The following NRDC variants were observed in gnomAD, a reference collection of about 807,000 sequenced individuals.
NRDC encodes nardilysin convertase.
In NRDC, 54 loss-of-function variants were observed where a neutral mutation model predicts 147.1. That is an observed-to-expected ratio of 0.37 (90% confidence interval 0.29 to 0.46). The LOEUF is 0.46. Ranked by LOEUF, NRDC falls within the 20% of genes least tolerant of loss-of-function variation. The probability of loss-of-function intolerance (pLI) is 1.00; values close to 1 mark genes in which losing one functional copy is unlikely to be tolerated. For missense variants in NRDC, 1,082 were observed against 1,370.6 expected, an observed-to-expected ratio of 0.79 and a Z score of 3.33; for synonymous variants, 440 against 482.1, an observed-to-expected ratio of 0.91 and a Z score of 1.14.
At chr1:51,877,846 C>CT (rs1211423586) in intron 1 of NRDC, 4 of 208,852 alleles carry the variant, frequency 1.9e-5, no homozygotes, top group African/African-American at 9.4e-5. Context: ...CTTTCGTCCA[C>CT]TAGTTTCACC....
intron 1 of NRDC, among the ~76,000 whole-genome samples, chr1:51,857,265 T>C (rs1682299677): frequency 6.6e-6 from 1 of 152,206 alleles, no homozygotes; most frequent in African/African-American, 2.4e-5. Flanking sequence ...GTTCAAACTA[T>C]GTTCAAATAC....
chr1:51,821,580 G>A, intron 7 of NRDC, 25 bp from the exon 8 acceptor site: 1 of 1,523,214 alleles, frequency 6.6e-7, no homozygotes, highest in Non-Finnish European at 9.1e-7. Context: ...GCAGGGAAGA[G>A]ACAGGAAAAT....
At chr1:51,869,481 G>A (rs1435045740) in intron 1 of NRDC, among the ~76,000 whole-genome samples, 1 of 152,094 alleles carries the variant, frequency 6.6e-6, no homozygotes, top group Admixed American at 6.5e-5. Context: ...ACATATAACA[G>A]TAATGTTTTT....
chr1:51,812,428 T>C (rs1226817215), intron 14 of NRDC, among the ~76,000 whole-genome samples: 1 of 151,932 alleles, frequency 6.6e-6, no homozygotes, highest in Admixed American at 6.6e-5. Context: ...CTTGGGGAGC[T>C]GAGGTGGGAG....
intron 2 of NRDC, among the ~76,000 whole-genome samples, chr1:51,838,877 T>C (rs1681116473): frequency 6.6e-6 from 1 of 152,094 alleles, no homozygotes; most frequent in South Asian, 2.1e-4. Context: ...TATATACCTT[T>C]TTTTCCCCCA....
At chr1:51,807,785 GATAATTA>G (rs1190299943) in intron 17 of NRDC, among the ~76,000 whole-genome samples, 1 of 148,804 alleles carries the variant, frequency 6.7e-6, no homozygotes, top group Non-Finnish European at 1.5e-5. Flanking sequence ...GTCTAATATA[GATAATTA>G]ATACTTTTTT....
chr1:51,823,570 GTAAT>G, intron 7 of NRDC, 90 bp downstream of exon 7: 1 of 871,668 alleles, frequency 1.1e-6, no homozygotes, highest in Non-Finnish European at 1.7e-6. Context: ...AAGCACTAAA[GTAAT>G]TAATAGTACA....
At chr1:51,838,529 T>C (rs1026350745) in intron 2 of NRDC, among the ~76,000 whole-genome samples, 1 of 152,040 alleles carries the variant, frequency 6.6e-6, no homozygotes, top group Non-Finnish European at 1.5e-5. Flanking sequence ...TGGAAAGATA[T>C]AGAAAAAAAG....
chr1:51,862,680 G>C (rs191606316), intron 1 of NRDC, among the ~76,000 whole-genome samples: 4 of 151,798 alleles, frequency 2.6e-5, no homozygotes, highest in Admixed American at 2.6e-4. Context: ...CCATGATCAT[G>C]ACACTGCACT....
chr1:51,792,976 T>TA (rs1408484999), intron 24 of NRDC, among the ~76,000 whole-genome samples: 17 of 152,196 alleles, frequency 1.1e-4, no homozygotes, highest in Non-Finnish European at 2.4e-4. Context: ...AGGAGGCCAA[T>TA]AAACAAGGAT....
At chr1:51,860,430 A>G (rs1682472598) in intron 1 of NRDC, among the ~76,000 whole-genome samples, 1 of 152,216 alleles carries the variant, frequency 6.6e-6, no homozygotes. Flanking sequence ...ATTCACACTC[A>G]TAGCTGCCTC....
chr1:51,836,246 T>C (rs1473817353), intron 2 of NRDC, 34 bp from the exon 3 acceptor site: 2 of 1,604,666 alleles, frequency 1.2e-6, no homozygotes, highest in East Asian at 4.5e-5. Context: ...AATAGTTGAG[T>C]CAACCCTAAA....
At chr1:51,876,208 G>A (rs961458816) in intron 1 of NRDC, among the ~76,000 whole-genome samples, 1 of 152,066 alleles carries the variant, frequency 6.6e-6, no homozygotes, top group Non-Finnish European at 1.5e-5. Flanking sequence ...TGATCTGGAA[G>A]GCAAAAACTA....
chr1:51,805,998 T>A (rs1679443309), intron 18 of NRDC, among the ~76,000 whole-genome samples: 1 of 152,114 alleles, frequency 6.6e-6, no homozygotes, highest in Admixed American at 6.5e-5. Flanking sequence ...CCCAATAAAC[T>A]CAATAATCCC....
intron 2 of NRDC, chr1:51,837,669 C>A (rs1681056273): frequency 1.4e-6 from 2 of 1,420,870 alleles, no homozygotes; most frequent in Non-Finnish European, 9.4e-7. Flanking sequence ...AAAATTCAGA[C>A]CTGAGAAATT....
chr1:51,834,433 A>G (rs1322552435), intron 3 of NRDC, among the ~76,000 whole-genome samples: 1 of 151,328 alleles, frequency 6.6e-6, no homozygotes, highest in African/African-American at 2.4e-5. Context: ...CAAGTGTCTC[A>G]GCCTCCCAAG....
chr1:51,845,766 A>C (rs954501971), intron 1 of NRDC, among the ~76,000 whole-genome samples: 3 of 152,218 alleles, frequency 2.0e-5, no homozygotes, highest in Admixed American at 6.5e-5. Context: ...TTAGAATGTT[A>C]TCTCTGAGGA....
intron 26 of NRDC, 55 bp downstream of exon 26, chr1:51,791,991 G>A (rs1678679106): frequency 1.3e-6 from 2 of 1,575,568 alleles, no homozygotes; most frequent in Non-Finnish European, 1.7e-6. Flanking sequence ...TGAACAGCCT[G>A]CAAAGTAAGC....
chr1:51,858,125 G>C (rs1310640827), intron 1 of NRDC, among the ~76,000 whole-genome samples: 4 of 152,174 alleles, frequency 2.6e-5, no homozygotes, highest in Non-Finnish European at 5.9e-5. Flanking sequence ...GATGCCTATT[G>C]ATGTGCAGAA....
Sources: gnomAD v4.1 joint callset for allele counts (sites outside exome capture counted in the v4.1 genomes callset) on GRCh38, gnomAD v4.1.1 for gene constraint, MANE v1.5 for transcripts, NCBI Gene and HGNC (gene_info 2026-07-23, HGNC 2026-07-21) for gene names.